The following EYS variants were observed in gnomAD, a reference collection of about 807,000 sequenced individuals.
EYS encodes the protein EGF-like photoreceptor maintenance factor.
A neutral mutation model predicts 282.1 loss-of-function variants in EYS; 250 were observed. The observed-to-expected ratio is 0.89, with a 90% CI of 0.80 to 0.98. EYS has a LOEUF of 0.98. Among genes scored for constraint, EYS ranks in the 50% least tolerant of loss-of-function variants. The pLI is 0.00. For missense variants in EYS, 4,016 were observed against 3,709.0 expected (o/e 1.08, Z -2.15); for synonymous variants, 1,355 against 1,282.9 (o/e 1.06, Z -1.20).
intron 22 of EYS, among the ~76,000 whole-genome samples, chr6:64,692,396 ATCT>A (rs765139217): frequency 6.6e-6 from 1 of 152,158 alleles, no homozygotes; most frequent in Non-Finnish European, 1.5e-5. Flanking sequence ...GTTTGTGAAC[ATCT>A]TCTCCCATTT....
At chr6:65,285,110 C>T (rs1025111795) in intron 12 of EYS, among the ~76,000 whole-genome samples, 3 of 151,728 alleles carry the variant, frequency 2.0e-5, no homozygotes, top group African/African-American at 4.8e-5. Context: ...ATTGTTGATA[C>T]GTGGTATCTT....
At chr6:64,580,831 A>C (rs932390336) in intron 26 of EYS, among the ~76,000 whole-genome samples, 2 of 152,132 alleles carry the variant, frequency 1.3e-5, no homozygotes, top group African/African-American at 4.8e-5. Context: ...TGTAATAAAC[A>C]GACATAAAAA....
chr6:64,070,951 C>T (rs1562185028), intron 32 of EYS, among the ~76,000 whole-genome samples: 1 of 152,006 alleles, frequency 6.6e-6, no homozygotes, highest in East Asian at 1.9e-4. Context: ...ACTTGAAACT[C>T]CTGTGGATCC....
intron 5 of EYS, among the ~76,000 whole-genome samples, chr6:65,447,339 TATATATAA>T (rs1562189686): frequency 4.5e-4 from 64 of 141,470 alleles, no homozygotes; most frequent in Admixed American, 3.0e-3. Context: ...TGTGTATATA[TATATATAA>T]ATATATGTAT....
intron 22 of EYS, among the ~76,000 whole-genome samples, chr6:64,691,421 T>A (rs73440873): frequency 0.016 from 2,467 of 152,322 alleles, 70 homozygotes; most frequent in African/African-American, 0.056. Flanking sequence ...AATAGAGTAT[T>A]TTTCAGAATA....
intron 15 of EYS, among the ~76,000 whole-genome samples, chr6:64,919,149 T>C (rs1233536899): frequency 6.6e-6 from 1 of 152,158 alleles, no homozygotes; most frequent in South Asian, 2.1e-4. Flanking sequence ...AGATAGATAG[T>C]AAGCAAACCT....
intron 22 of EYS, among the ~76,000 whole-genome samples, chr6:64,692,393 A>G (rs1240156242): frequency 6.6e-6 from 1 of 152,124 alleles, no homozygotes; most frequent in African/African-American, 2.4e-5. Context: ...ATAGTTTGTG[A>G]ACATCTTCTC....
intron 22 of EYS, among the ~76,000 whole-genome samples, chr6:64,680,650 C>A (rs1230484386): frequency 2.6e-5 from 4 of 152,176 alleles, no homozygotes; most frequent in Non-Finnish European, 5.9e-5. Context: ...GCTTCCTTTT[C>A]TACACCCAAC....
chr6:64,552,497 C>T (rs745477943), intron 26 of EYS, among the ~76,000 whole-genome samples: 3 of 152,148 alleles, frequency 2.0e-5, no homozygotes, highest in Non-Finnish European at 2.9e-5. Context: ...AAGCCTGCTA[C>T]CTGGAGCCTT....
intron 26 of EYS, among the ~76,000 whole-genome samples, chr6:64,545,170 C>G (rs913699015): frequency 3.3e-5 from 5 of 152,148 alleles, no homozygotes; most frequent in Non-Finnish European, 7.4e-5. Flanking sequence ...AGCTTATCCA[C>G]CATGATCAAG....
In EYS at chr6:63,819,732, C is replaced by T. The variant is rs1433932114; in HGVS notation, c.7229-13360G>A. The stretch of plus-strand genomic sequence containing the variant: ...CCTGTTGTTTAGAAGTAATATTGTG[C>T]AGGATACCATAATGACACACTGTAT... On this transcript the variant is annotated intron_variant, in intron 36 of 42. Coordinates refer to ENST00000503581, the MANE Select transcript of EYS (RefSeq NM_001142800.2). 2.6e-5 allele frequency among the ~76,000 whole-genome samples: 4 copies of T among 152,244 alleles called. No homozygotes were observed. In the East Asian group the frequency reaches 7.7e-4, roughly 29 times the overall value.
intron 14 of EYS, among the ~76,000 whole-genome samples, chr6:64,990,195 T>C (rs542293108): frequency 6.6e-6 from 1 of 151,646 alleles, no homozygotes; most frequent in South Asian, 2.1e-4. Context: ...CAATCTGTTC[T>C]GAAAGAAAGT....
intron 26 of EYS, among the ~76,000 whole-genome samples, chr6:64,483,192 T>G (rs1360670267): frequency 6.6e-6 from 1 of 151,654 alleles, no homozygotes; most frequent in Non-Finnish European, 1.5e-5. Flanking sequence ...ATGGACAATA[T>G]GTAAATATAA....
At chr6:64,206,197 A>C (rs983006722) in intron 31 of EYS, among the ~76,000 whole-genome samples, 3 of 152,178 alleles carry the variant, frequency 2.0e-5, no homozygotes, top group Non-Finnish European at 4.4e-5. Context: ...TTTAATGTGT[A>C]GATTTTATAA....
chr6:64,109,230 C>A (rs924523153), intron 31 of EYS, among the ~76,000 whole-genome samples: 1 of 152,048 alleles, frequency 6.6e-6, no homozygotes, highest in African/African-American at 2.4e-5. Flanking sequence ...TCTTTCCTCC[C>A]AATTTTATGC....
chr6:65,162,540 G>T (rs1406736939), intron 12 of EYS, among the ~76,000 whole-genome samples: 1 of 151,036 alleles, frequency 6.6e-6, no homozygotes, highest in African/African-American at 2.4e-5. Flanking sequence ...ACAACAAAAA[G>T]AATATAATGT....
At chr6:64,963,270 C>T (rs777232631) in intron 14 of EYS, among the ~76,000 whole-genome samples, 5 of 152,056 alleles carry the variant, frequency 3.3e-5, no homozygotes, top group Non-Finnish European at 7.4e-5. Flanking sequence ...ATTTCATTAG[C>T]GAAATTATTA....
chr6:63,845,002 T>C (rs1279142443), intron 36 of EYS, among the ~76,000 whole-genome samples: 2 of 152,222 alleles, frequency 1.3e-5, no homozygotes, highest in South Asian at 2.1e-4. Context: ...GGTTTTACAT[T>C]TAAGTCTTTA....
chr6:64,594,899 C>G (rs1369897707), intron 24 of EYS, among the ~76,000 whole-genome samples: 1 of 151,826 alleles, frequency 6.6e-6, no homozygotes. Context: ...CAATTCTTCT[C>G]AAGCTATTAC....
Sources: allele counts gnomAD v4.1 joint callset (sites outside exome capture counted in the v4.1 genomes callset), GRCh38; gene constraint gnomAD v4.1.1; transcripts MANE v1.5; gene names NCBI Gene and HGNC (gene_info 2026-07-23, HGNC 2026-07-21).